Variants in PHKB observed in about 807,000 individuals in gnomAD.
PHKB encodes phosphorylase kinase regulatory subunit beta, also known as phosphorylase b kinase regulatory subunit beta.
A neutral mutation model predicts 152.1 loss-of-function variants in PHKB; 122 were observed. That is an observed-to-expected ratio of 0.80 (90% confidence interval 0.69 to 0.93). The LOEUF (loss-of-function observed/expected upper bound fraction) is 0.93, where lower values mean the gene tolerates loss of function less well. PHKB is among the 40% of genes least tolerant of loss of function. The pLI is 0.00. For missense variants in PHKB, 1,304 were observed against 1,328.4 expected (o/e 0.98, Z 0.29); for synonymous variants, 436 against 464.9 (o/e 0.94, Z 0.80).
intron 26 of PHKB, among the ~76,000 whole-genome samples, chr16:47,677,626 A>G (rs2142088150): frequency 6.6e-6 from 1 of 152,108 alleles, no homozygotes; most frequent in East Asian, 1.9e-4. Context: ...CAACCTCATG[A>G]CCTCATCTAA....
chr16:47,550,501 C>T (rs917907607), intron 7 of PHKB, among the ~76,000 whole-genome samples: 11 of 152,210 alleles, frequency 7.2e-5, no homozygotes, highest in African/African-American at 2.2e-4. Context: ...CTGCCGCTCT[C>T]CTTTCTCTGT....
At chr16:47,563,994 CTTTTTTTTTT>C (rs899061752) in intron 7 of PHKB, among the ~76,000 whole-genome samples, 1 of 82,032 alleles carries the variant, frequency 1.2e-5, no homozygotes, top group African/African-American at 4.5e-5. Flanking sequence ...TTATTTCATT[CTTTTTTTTTT>C]TTTTTTTTTT....
At chr16:47,573,062 G>A (rs907912043) in intron 7 of PHKB, among the ~76,000 whole-genome samples, 1 of 152,092 alleles carries the variant, frequency 6.6e-6, no homozygotes, top group Non-Finnish European at 1.5e-5. Context: ...TTCAACCCTT[G>A]TGTCTTCTCA....
chr16:47,677,337 G>T (rs1597171696), intron 26 of PHKB, among the ~76,000 whole-genome samples: 2 of 152,274 alleles, frequency 1.3e-5, no homozygotes, highest in African/African-American at 4.8e-5. Flanking sequence ...AGCAAAAAAA[G>T]TCCCTTCTTG....
chr16:47,666,862 T>C (rs1973548462), intron 25 of PHKB, among the ~76,000 whole-genome samples: 1 of 152,244 alleles, frequency 6.6e-6, no homozygotes, highest in Admixed American at 6.5e-5. Context: ...TTGATTAGAA[T>C]GAAAACCTGT....
rs768885733 is a variant in PHKB at position 47,669,410 on chromosome 16, C to G, written c.2623C>G (p.Arg875Gly). ...GTTATTCAGTGGCATGCTGAAAATA[C>G]GAATCGGGTGAGTGAAGTCCTTTGC... ...PELFSGMLKI[R>G]IGWIIHAMEY... The change falls in exon 26 of 31, where the codon CGA (arginine) becomes GGA (glycine). Residue 875 changes from arginine (R) to glycine (G), a missense_variant. By Grantham distance (125) the Arg-to-Gly change is moderately radical (BLOSUM62 -2). Coordinates refer to ENST00000323584, the MANE Select transcript of PHKB (RefSeq NM_000293.3). 2 of 1,613,802 alleles carry G rather than the reference C, an allele frequency of 1.2e-6. No individual in the cohort carries two copies. The highest frequency in any genetic ancestry group is 1.7e-6 in the Non-Finnish European group (2 of 1,179,744).
intron 20 of PHKB, among the ~76,000 whole-genome samples, chr16:47,657,368 C>G (rs939872974): frequency 1.3e-5 from 2 of 152,042 alleles, no homozygotes; most frequent in African/African-American, 2.4e-5. Context: ...GACTTAAATT[C>G]TAAAGGGAGA....
chr16:47,671,614 C>G (rs1419841305), intron 26 of PHKB, among the ~76,000 whole-genome samples: 1 of 151,788 alleles, frequency 6.6e-6, no homozygotes, highest in African/African-American at 2.4e-5. Flanking sequence ...CCCATTTTTT[C>G]CTTCAAAATC....
chr16:47,464,815 T>C (rs1969638772), intron 1 of PHKB, among the ~76,000 whole-genome samples: 1 of 152,192 alleles, frequency 6.6e-6, no homozygotes, highest in Admixed American at 6.5e-5. Flanking sequence ...AAACCTATTA[T>C]GTACTAGAAA....
chr16:47,630,511 A>G (rs940948424), intron 14 of PHKB, among the ~76,000 whole-genome samples: 1 of 152,132 alleles, frequency 6.6e-6, no homozygotes, highest in African/African-American at 2.4e-5. Flanking sequence ...AGATAAGAAA[A>G]TAGGTTTGTA....
At chr16:47,618,957 C>T (rs1972569472) in intron 14 of PHKB, among the ~76,000 whole-genome samples, 1 of 152,132 alleles carries the variant, frequency 6.6e-6, no homozygotes, top group South Asian at 2.1e-4. Flanking sequence ...CTCTTGCCTT[C>T]TCTTAGCCTA....
chr16:47,648,644 G>T (rs1484001177), intron 17 of PHKB, 28 bp downstream of exon 17: 1 of 1,478,420 alleles, frequency 6.8e-7, no homozygotes, highest in Admixed American at 1.7e-5. Context: ...TCAAAAAGTA[G>T]TTTTTGGATT....
chr16:47,528,713 T>TC (rs397742141), intron 6 of PHKB, among the ~76,000 whole-genome samples: 2 of 151,186 alleles, frequency 1.3e-5, no homozygotes, highest in East Asian at 3.9e-4. Flanking sequence ...TTTTTTTTTT[T>TC]ATTTTGACGG....
At chr16:47,621,577 C>T (rs374387880) in intron 14 of PHKB, among the ~76,000 whole-genome samples, 1 of 152,264 alleles carries the variant, frequency 6.6e-6, no homozygotes, top group South Asian at 2.1e-4. Context: ...ATAATTTCTA[C>T]TTAAAAGATT....
chr16:47,515,663 TTA>T (rs1970583817), intron 6 of PHKB, 62 bp downstream of exon 6: 1 of 778,168 alleles, frequency 1.3e-6, no homozygotes, highest in African/African-American at 1.7e-5. Context: ...ATTTTTTTTT[TTA>T]GTTTTCACAA....
Position 47,593,560 on chromosome 16 carries a change from A to G in PHKB, c.1126+3A>G, listed in dbSNP as rs755651053. The G allele has an allele frequency of 6.8e-7, 1 of 1,473,202 alleles. No homozygotes were observed. Among genetic ancestry groups the G allele is most frequent in the Non-Finnish European group, 9.5e-7 (1 of 1,051,966 alleles). 91.3% of individuals were successfully genotyped at this position (1,473,202 alleles called of 1,614,324 possible). On this transcript the variant is annotated splice_donor_region_variant and intron_variant, in intron 11 of 30. Coordinates refer to ENST00000323584, the MANE Select transcript of PHKB (RefSeq NM_000293.3). Reference sequence around the variant, plus strand: ...TTTCCTTTATATGATGATTGATGGTAAGTAAGCTTTTTCCTGAAATTTAAG... The same window carrying G: ...TTTCCTTTATATGATGATTGATGGTGAGTAAGCTTTTTCCTGAAATTTAAG...
At chr16:47,613,256 G>A (rs1972459380) in intron 14 of PHKB, among the ~76,000 whole-genome samples, 2 of 152,112 alleles carry the variant, frequency 1.3e-5, no homozygotes, top group Non-Finnish European at 2.9e-5. Flanking sequence ...AAAGGCATGG[G>A]GCAAGTCCTG....
chr16:47,574,921 C>T (rs992785035), intron 7 of PHKB, among the ~76,000 whole-genome samples: 9 of 152,166 alleles, frequency 5.9e-5, no homozygotes, highest in African/African-American at 2.2e-4. Context: ...CTTTTTATTT[C>T]CTTTTCTTGC....
intron 7 of PHKB, chr16:47,547,986 C>G (rs1003116428): frequency 1.5e-5 from 3 of 203,018 alleles, no homozygotes; most frequent in Non-Finnish European, 3.0e-5. Context: ...GATGCTTACA[C>G]TGTTCACATA....
Sources: gnomAD v4.1 joint callset for allele counts (sites outside exome capture counted in the v4.1 genomes callset) on GRCh38, gnomAD v4.1.1 for gene constraint, MANE v1.5 for transcripts, NCBI Gene and HGNC (gene_info 2026-07-23, HGNC 2026-07-21) for gene names.